The following PDE3A variants were observed in gnomAD, a reference collection of about 807,000 sequenced individuals.
PDE3A encodes the protein phosphodiesterase 3A.
PDE3A carries 43 observed loss-of-function variants against 98.3 expected under a neutral mutation model. That is an observed-to-expected ratio of 0.44 (90% CI 0.34 to 0.56). The LOEUF is 0.56. Among genes scored for constraint, PDE3A ranks in the 20% least tolerant of loss-of-function variants. The pLI, the probability that PDE3A is intolerant of heterozygous loss-of-function variation, is 0.01. For synonymous variants in PDE3A, 663 were observed against 567.9 expected (o/e 1.17, Z -2.38); for missense variants, 1,427 against 1,440.7 (o/e 0.99, Z 0.15).
chr12:20,480,215 G>A (rs572464413), intron 1 of PDE3A, among the ~76,000 whole-genome samples: 4 of 152,238 alleles, frequency 2.6e-5, no homozygotes, highest in Non-Finnish European at 5.9e-5. Flanking sequence ...ACCAATGAGA[G>A]GGATTTGGCA....
chr12:20,371,268 G>T (rs10841497), intron 1 of PDE3A: 352,192 of 626,098 alleles, frequency 0.56, 100,137 homozygotes, highest in East Asian at 0.83. Context: ...AAATGCATAC[G>T]GTGTCTAAAA....
chr12:20,480,545 C>A (rs560586263), intron 1 of PDE3A, among the ~76,000 whole-genome samples: 103 of 152,264 alleles, frequency 6.8e-4, no homozygotes, highest in Non-Finnish European at 1.1e-3. Context: ...AACACACACA[C>A]AGAGGATCTT....
At chr12:20,386,049 T>TAAATATATATAAATATATATA (rs1565532408) in intron 1 of PDE3A, among the ~76,000 whole-genome samples, 1 of 49,288 alleles carries the variant, frequency 2.0e-5, no homozygotes, top group Non-Finnish European at 3.7e-5. Context: ...AAAATATATA[T>TAAATATATATAAATATATATA]AAATATATAT....
intron 1 of PDE3A, among the ~76,000 whole-genome samples, chr12:20,528,917 A>G (rs1946574312): frequency 6.6e-6 from 1 of 152,208 alleles, no homozygotes; most frequent in Non-Finnish European, 1.5e-5. Flanking sequence ...AAAAGTGTTA[A>G]TAAGAATAAT....
chr12:20,603,164 C>T (rs1943632539), intron 2 of PDE3A, among the ~76,000 whole-genome samples: 1 of 152,090 alleles, frequency 6.6e-6, no homozygotes, highest in African/African-American at 2.4e-5. Context: ...GAGAAAAGCC[C>T]CAGTGACTAT....
At chr12:20,372,021 T>A (rs1254848620) in intron 1 of PDE3A, among the ~76,000 whole-genome samples, 2 of 152,184 alleles carry the variant, frequency 1.3e-5, no homozygotes, top group Non-Finnish European at 2.9e-5. Context: ...CCTGTGGAAT[T>A]ATTTTTTAAA....
chr12:20,509,978 A>T (rs1192225131), intron 1 of PDE3A, among the ~76,000 whole-genome samples: 2 of 151,998 alleles, frequency 1.3e-5, no homozygotes, highest in Non-Finnish European at 2.9e-5. Flanking sequence ...TCTCATTTAC[A>T]TTTTAAATAT....
chr12:20,647,985 A>G (rs1944816562), intron 12 of PDE3A, among the ~76,000 whole-genome samples: 1 of 151,756 alleles, frequency 6.6e-6, no homozygotes, highest in South Asian at 2.1e-4. Context: ...CTTGCACACT[A>G]GTGTTCAGGC....
intron 1 of PDE3A, among the ~76,000 whole-genome samples, chr12:20,516,422 C>G (rs1462254979): frequency 6.6e-6 from 1 of 152,068 alleles, no homozygotes; most frequent in Non-Finnish European, 1.5e-5. Context: ...TGAAACAATC[C>G]TGTAATTTAC....
At chr12:20,653,654 G>T (rs1168402770) in intron 14 of PDE3A, among the ~76,000 whole-genome samples, 1 of 152,120 alleles carries the variant, frequency 6.6e-6, no homozygotes, top group Non-Finnish European at 1.5e-5. Context: ...CCTCACCATT[G>T]CATTTTCGTG....
intron 2 of PDE3A, among the ~76,000 whole-genome samples, chr12:20,570,285 G>A (rs1488184606): frequency 1.3e-5 from 2 of 151,806 alleles, no homozygotes; most frequent in African/African-American, 4.8e-5. Flanking sequence ...GTGCATACCT[G>A]TAATCCCAGC....
chr12:20,451,702 C>A (rs1221822786), intron 1 of PDE3A, among the ~76,000 whole-genome samples: 1 of 152,194 alleles, frequency 6.6e-6, no homozygotes, highest in Non-Finnish European at 1.5e-5. Flanking sequence ...GATTTATTTC[C>A]TTTCCTTTAA....
At chr12:20,583,055 A>G (rs1943108454) in intron 2 of PDE3A, among the ~76,000 whole-genome samples, 1 of 152,082 alleles carries the variant, frequency 6.6e-6, no homozygotes, top group South Asian at 2.1e-4. Flanking sequence ...TTTCTACTCA[A>G]ATTCTACTCA....
chr12:20,666,622 T>C (rs1945320044), intron 15 of PDE3A, among the ~76,000 whole-genome samples: 2 of 152,248 alleles, frequency 1.3e-5, no homozygotes, highest in Non-Finnish European at 2.9e-5. Context: ...ATTCTTTTTA[T>C]GTCTGAATAT....
chr12:20,475,643 T>C (rs576407520), intron 1 of PDE3A, among the ~76,000 whole-genome samples: 3 of 151,978 alleles, frequency 2.0e-5, no homozygotes, highest in African/African-American at 2.4e-5. Context: ...AGTAGGAGGA[T>C]TGATTGAACC....
chr12:20,439,907 A>T (rs188320257), intron 1 of PDE3A, among the ~76,000 whole-genome samples: 1 of 152,288 alleles, frequency 6.6e-6, no homozygotes, highest in Non-Finnish European at 1.5e-5. Context: ...CTTTTGTGAC[A>T]ACATTTTTTG....
At chr12:20,511,417 T>TACACACACACACACAC (rs71884926) in intron 1 of PDE3A, among the ~76,000 whole-genome samples, 4 of 147,890 alleles carry the variant, frequency 2.7e-5, no homozygotes, top group African/African-American at 1.0e-4. Flanking sequence ...AGTGCTCAAA[T>TACACACACACACACAC]ACACACACAC....
At chr12:20,657,510 G>A (rs1359470174) in intron 15 of PDE3A, among the ~76,000 whole-genome samples, 1 of 152,150 alleles carries the variant, frequency 6.6e-6, no homozygotes, top group Non-Finnish European at 1.5e-5. Flanking sequence ...TGGTATCCTA[G>A]GAAAAGAAGG....
chr12:20,603,758 A>G (rs756381294), intron 2 of PDE3A, among the ~76,000 whole-genome samples: 5 of 152,192 alleles, frequency 3.3e-5, no homozygotes, highest in Non-Finnish European at 2.9e-5. Flanking sequence ...CTTATCAAAC[A>G]TATATTTTGG....
Sources: allele counts gnomAD v4.1 joint callset (sites outside exome capture counted in the v4.1 genomes callset), GRCh38; gene constraint gnomAD v4.1.1; transcripts MANE v1.5; gene names NCBI Gene and HGNC (gene_info 2026-07-23, HGNC 2026-07-21).